Variants in BST1 observed in about 807,000 individuals in gnomAD.
The protein encoded by BST1 is ADP-ribosyl cyclase/cyclic ADP-ribose hydrolase 2.
A neutral mutation model predicts 40.6 loss-of-function variants in BST1; 49 were observed. The observed-to-expected ratio is 1.21, with a 90% confidence interval of 0.96 to 1.53. The LOEUF is 1.53. BST1 is among the 40% of genes most tolerant of loss of function. The pLI, the probability that BST1 is intolerant of heterozygous loss-of-function variation, is 0.00. For synonymous variants in BST1, 157 were observed against 159.3 expected (o/e 0.99, Z 0.11); for missense variants, 423 against 395.9 (o/e 1.07, Z -0.58).
chr4:15,737,801 C>A (rs1721625044), exon 7 of BST1: 1 of 1,287,290 alleles, frequency 7.8e-7, no homozygotes, highest in Non-Finnish European at 1.0e-6. Flanking sequence ...CTGTGGGAAC[C>A]ATGATGGGGA....
intron 8 of BST1, among the ~76,000 whole-genome samples, chr4:15,729,833 G>A (rs948762430): frequency 1.3e-5 from 2 of 152,116 alleles, no homozygotes; most frequent in African/African-American, 4.8e-5. Context: ...CATGATAATG[G>A]ATGTAAGTGA....
intron 8 of BST1, chr4:15,731,254 C>G: frequency 2.0e-6 from 1 of 488,414 alleles, no homozygotes; most frequent in Non-Finnish European, 3.7e-6. Context: ...TAGGACTGGG[C>G]CGAGGATTCG....
chr4:15,748,224 C>A, the BST1 span, among the ~76,000 whole-genome samples: 1 of 152,206 alleles, frequency 6.6e-6, no homozygotes, highest in Admixed American at 6.5e-5. Context: ...TCCTACAATT[C>A]TTTTGGTTAA....
At chr4:15,753,020 A>T in the BST1 span, among the ~76,000 whole-genome samples, 1 of 151,610 alleles carries the variant, frequency 6.6e-6, no homozygotes, top group African/African-American at 2.4e-5. Flanking sequence ...AAATATAAAT[A>T]TAAATCACTA....
At chr4:15,726,963 C>T (rs373614132) in intron 8 of BST1, among the ~76,000 whole-genome samples, 21 of 151,616 alleles carry the variant, frequency 1.4e-4, no homozygotes, top group African/African-American at 2.9e-4. Flanking sequence ...CTCCGCCTCC[C>T]GGGTTCAAGC....
At chr4:15,725,631 C>T (rs1298323919) in intron 8 of BST1, among the ~76,000 whole-genome samples, 2 of 152,190 alleles carry the variant, frequency 1.3e-5, no homozygotes, top group East Asian at 3.8e-4. Context: ...CACAGCTTCT[C>T]ATCTGGAATG....
chr4:15,703,400 A>G (rs1577560613), intron 1 of BST1, 68 bp downstream of exon 1: 2 of 1,461,398 alleles, frequency 1.4e-6, no homozygotes, highest in Non-Finnish European at 1.8e-6. Context: ...TGGGGAGGGG[A>G]AAACTGGCGC....
downstream of BST1, among the ~76,000 whole-genome samples, chr4:15,734,959 G>A (rs552629895): frequency 6.6e-6 from 1 of 152,290 alleles, no homozygotes; most frequent in Non-Finnish European, 1.5e-5. Context: ...ACCTGGCATG[G>A]TAGAATGTTC....
At chr4:15,722,212 A>G (rs1276997646) in intron 7 of BST1, among the ~76,000 whole-genome samples, 1 of 152,214 alleles carries the variant, frequency 6.6e-6, no homozygotes, top group Non-Finnish European at 1.5e-5. Context: ...CAGGCCCTAG[A>G]GTCAGCCTGC....
At chr4:15,710,068 G>A (rs982938167) in intron 3 of BST1, among the ~76,000 whole-genome samples, 1 of 152,046 alleles carries the variant, frequency 6.6e-6, no homozygotes, top group Non-Finnish European at 1.5e-5. Context: ...GAACTCCTGT[G>A]CTCAAGCGAT....
intron 8 of BST1, among the ~76,000 whole-genome samples, chr4:15,726,238 G>A (rs565569515): frequency 1.3e-5 from 2 of 150,442 alleles, no homozygotes; most frequent in South Asian, 2.1e-4. Flanking sequence ...TGAGCTCCAG[G>A]AGGTCAGGGA....
intron 1 of BST1, 47 bp downstream of exon 1, chr4:15,703,379 T>C: frequency 1.5e-6 from 2 of 1,323,438 alleles, no homozygotes; most frequent in Non-Finnish European, 1.9e-6. Context: ...GAGGCAACGG[T>C]GGGGAGGGCC....
chr4:15,752,766 T>C, the BST1 span, among the ~76,000 whole-genome samples: 3 of 152,032 alleles, frequency 2.0e-5, no homozygotes, highest in Non-Finnish European at 1.5e-5. Flanking sequence ...GATGGCAGGA[T>C]CAAGGTGAGG....
chr4:15,703,781 T>TGTGTGTGTGTTCTAGAGGTAAGGG (rs1560274990), intron 1 of BST1, among the ~76,000 whole-genome samples: 1 of 136,036 alleles, frequency 7.4e-6, no homozygotes, highest in Non-Finnish European at 1.6e-5. Flanking sequence ...AGGTGAGATG[T>TGTGTGTGTGTTCTAGAGGTAAGGG]GTGTGTGTGT....
the BST1 span, among the ~76,000 whole-genome samples, chr4:15,749,312 A>G: frequency 2.0e-5 from 3 of 152,202 alleles, no homozygotes; most frequent in Non-Finnish European, 4.4e-5. Flanking sequence ...AATAAGCACG[A>G]GACACCAGCA....
downstream of BST1, among the ~76,000 whole-genome samples, chr4:15,741,258 T>G (rs1402683550): frequency 2.0e-5 from 3 of 151,886 alleles, no homozygotes; most frequent in Non-Finnish European, 2.9e-5. Flanking sequence ...ACAGCTAGAG[T>G]GGACAGGCCA....
intron 6 of BST1, among the ~76,000 whole-genome samples, chr4:15,718,483 A>G (rs936616138): frequency 6.6e-6 from 1 of 152,212 alleles, no homozygotes; most frequent in Non-Finnish European, 1.5e-5. Flanking sequence ...GCATTTTCTA[A>G]TATTTTAAAA....
downstream of BST1, among the ~76,000 whole-genome samples, chr4:15,741,378 G>T (rs1721737850): frequency 2.0e-5 from 3 of 152,168 alleles, no homozygotes; most frequent in South Asian, 6.2e-4. Flanking sequence ...CCTGATAAGG[G>T]AGGAAGGGTA....
At chr4:15,716,894 A>G (rs897610989) in intron 6 of BST1, among the ~76,000 whole-genome samples, 7 of 151,820 alleles carry the variant, frequency 4.6e-5, no homozygotes, top group African/African-American at 1.2e-4. Context: ...TCTTGACTCA[A>G]CCTCCCGAGT....
Sources: gnomAD v4.1 joint callset for allele counts (sites outside exome capture counted in the v4.1 genomes callset) on GRCh38, gnomAD v4.1.1 for gene constraint, MANE v1.5 for transcripts, NCBI Gene and HGNC (gene_info 2026-07-23, HGNC 2026-07-21) for gene names.